FUT9: variants seen among roughly 807,000 people sequenced by gnomAD.
FUT9 encodes the protein 4-galactosyl-N-acetylglucosaminide 3-alpha-L-fucosyltransferase 9.
FUT9 carries 15 observed loss-of-function variants against 29.7 expected under a neutral mutation model. That is an observed-to-expected ratio of 0.51 (90% CI 0.34 to 0.78). The LOEUF (loss-of-function observed/expected upper bound fraction) is 0.78. FUT9 is among the 30% of genes least tolerant of loss of function. FUT9 has a pLI of 0.01. For missense variants in FUT9, 319 were observed against 425.4 expected, an observed-to-expected ratio of 0.75 and a Z score of 2.20; for synonymous variants, 169 against 153.7, an observed-to-expected ratio of 1.10 and a Z score of -0.74.
chr6:96,062,796 A>T (rs1204824943), intron 1 of FUT9, among the ~76,000 whole-genome samples: 3 of 152,212 alleles, frequency 2.0e-5, no homozygotes, highest in Admixed American at 2.0e-4. Flanking sequence ...CCTTTGTAAA[A>T]AAAGAAAATC....
At chr6:96,130,811 G>A (rs192648509) in intron 2 of FUT9, among the ~76,000 whole-genome samples, 5 of 152,264 alleles carry the variant, frequency 3.3e-5, no homozygotes, top group African/African-American at 4.8e-5. Context: ...TACAATGTAC[G>A]AGGAAACTCT....
At chr6:96,126,340 G>A (rs910279897) in intron 2 of FUT9, among the ~76,000 whole-genome samples, 1 of 152,068 alleles carries the variant, frequency 6.6e-6, no homozygotes, top group South Asian at 2.1e-4. Context: ...AAGAAGAAAG[G>A]GTGCTGGGCT....
chr6:96,168,262 G>C (rs921118269), intron 2 of FUT9, among the ~76,000 whole-genome samples: 3 of 152,174 alleles, frequency 2.0e-5, no homozygotes, highest in Admixed American at 1.3e-4. Flanking sequence ...TATGAGTCTA[G>C]AGTTCAGGAG....
chr6:96,120,170 G>T (rs190013789), intron 2 of FUT9, among the ~76,000 whole-genome samples: 1 of 151,512 alleles, frequency 6.6e-6, no homozygotes, highest in Non-Finnish European at 1.5e-5. Flanking sequence ...TACCATCGTA[G>T]AAGTCTATTT....
chr6:96,018,877 A>G (rs1770023599), intron 1 of FUT9, among the ~76,000 whole-genome samples: 1 of 151,966 alleles, frequency 6.6e-6, no homozygotes. Flanking sequence ...TCTTTAATCA[A>G]ATTAAGGTAA....
At chr6:96,178,098 G>T (rs554177407) in intron 2 of FUT9, among the ~76,000 whole-genome samples, 1 of 152,268 alleles carries the variant, frequency 6.6e-6, no homozygotes, top group Non-Finnish European at 1.5e-5. Context: ...GCCAGACTTT[G>T]CTGGGTGCAG....
chr6:96,202,121 T>G (rs1189069460), intron 2 of FUT9, among the ~76,000 whole-genome samples: 1 of 152,032 alleles, frequency 6.6e-6, no homozygotes, highest in Non-Finnish European at 1.5e-5. Flanking sequence ...CGTGAGAATT[T>G]TATCAATAAA....
chr6:96,185,788 T>C (rs1314479775), intron 2 of FUT9, among the ~76,000 whole-genome samples: 3 of 152,114 alleles, frequency 2.0e-5, no homozygotes, highest in South Asian at 2.1e-4. Context: ...TCACAAAATA[T>C]GGAACTTTCT....
At chr6:96,203,031 C>G (rs942095825) in intron 2 of FUT9, 117 bp from the exon 3 acceptor site, 1 of 723,592 alleles carries the variant, frequency 1.4e-6, no homozygotes, top group East Asian at 2.6e-5. Context: ...AAGGAAAATG[C>G]AGTTGATTAC....
rs1387263719 is a variant in FUT9 at position 96,143,259 on chromosome 6, C to T, written c.-9+29132C>T. On this transcript the variant is annotated intron_variant, in intron 2 of 2. Coordinates refer to ENST00000302103, the MANE Select transcript of FUT9 (RefSeq NM_006581.4). Reference sequence around the variant, plus strand: ...GATGACACAGTGAGAAGATGGCCCTCACCAGATACCTAATCTGTTGGCACC... The same window carrying T: ...GATGACACAGTGAGAAGATGGCCCTTACCAGATACCTAATCTGTTGGCACC... Among the ~76,000 whole-genome samples, 5 of 152,314 alleles carry T rather than the reference C, an allele frequency of 3.3e-5. No homozygotes were observed. In the East Asian group the frequency reaches 9.7e-4, roughly 29 times the overall value.
intron 2 of FUT9, among the ~76,000 whole-genome samples, chr6:96,115,550 T>C (rs971091989): frequency 6.6e-6 from 1 of 152,212 alleles, no homozygotes; most frequent in African/African-American, 2.4e-5. Flanking sequence ...TAAATTTAAA[T>C]TGATAATCAT....
chr6:96,027,811 CT>C (rs1332055473), intron 1 of FUT9, among the ~76,000 whole-genome samples: 1 of 151,450 alleles, frequency 6.6e-6, no homozygotes, highest in Non-Finnish European at 1.5e-5. Context: ...TATTTTTCTG[CT>C]TTTTTTCCAG....
chr6:96,103,123 G>A (rs1338283233), intron 1 of FUT9, among the ~76,000 whole-genome samples: 2 of 152,112 alleles, frequency 1.3e-5, no homozygotes, highest in African/African-American at 2.4e-5. Flanking sequence ...TGGGGAGTAG[G>A]GGAGGAGACC....
chr6:96,113,239 AT>A (rs1395798738), intron 1 of FUT9, among the ~76,000 whole-genome samples: 4 of 152,136 alleles, frequency 2.6e-5, no homozygotes, highest in Non-Finnish European at 5.9e-5. Flanking sequence ...CCATTTAACT[AT>A]TCAATAACTT....
In FUT9 at chr6:96,100,230, AACACAC is replaced by A. The variant is rs36064811; in HGVS notation, c.-97-13767_-97-13762del. On this transcript the variant is annotated intron_variant, in intron 1 of 2. Coordinates refer to ENST00000302103, the MANE Select transcript of FUT9 (RefSeq NM_006581.4). ...TTGGAATTTAACACACACACACACC[AACACAC>A]ACACACACACACACACACACACACA... 8.8e-3 allele frequency among the ~76,000 whole-genome samples: 1,314 copies of A among 148,868 alleles called. 13 individuals carry two copies. The highest frequency in any genetic ancestry group is 0.031 in the African/African-American group (1,215 of 39,836).
intron 2 of FUT9, among the ~76,000 whole-genome samples, chr6:96,140,195 CCAA>C (rs1385223181): frequency 2.2e-4 from 33 of 152,158 alleles, no homozygotes; most frequent in African/African-American, 7.7e-4. Context: ...ACTCCAGTTC[CCAA>C]CGAGTTCCTC....
intron 1 of FUT9, among the ~76,000 whole-genome samples, chr6:96,025,141 A>G (rs1210456422): frequency 2.6e-5 from 4 of 151,676 alleles, no homozygotes; most frequent in East Asian, 3.9e-4. Flanking sequence ...TTCACACTCA[A>G]TATATGTACA....
chr6:96,139,393 G>A (rs910501084), intron 2 of FUT9, among the ~76,000 whole-genome samples: 4 of 152,140 alleles, frequency 2.6e-5, no homozygotes, highest in Non-Finnish European at 5.9e-5. Flanking sequence ...ATGCTCTGGT[G>A]TTGAGTGCCT....
At chr6:96,105,499 T>C (rs114375849) in intron 1 of FUT9, among the ~76,000 whole-genome samples, 4 of 152,312 alleles carry the variant, frequency 2.6e-5, no homozygotes, top group Admixed American at 6.5e-5. Flanking sequence ...TTTAATATTT[T>C]TGCTAGGACT....
Sources: allele counts gnomAD v4.1 joint callset (sites outside exome capture counted in the v4.1 genomes callset), GRCh38; gene constraint gnomAD v4.1.1; transcripts MANE v1.5; gene names NCBI Gene and HGNC (gene_info 2026-07-23, HGNC 2026-07-21).